Variants in MYCT1 observed in about 807,000 individuals in gnomAD.
The protein encoded by MYCT1 is myc target protein 1.
In MYCT1, 12 loss-of-function variants were observed where a neutral mutation model predicts 15.0. The ratio of observed to expected loss-of-function variants is 0.80; its 90% CI spans 0.51 to 1.29. MYCT1 has a LOEUF of 1.29. MYCT1 is among the 50% of genes most tolerant of loss of function. The probability of loss-of-function intolerance (pLI) is 0.00; values close to 1 mark genes in which losing one functional copy is unlikely to be tolerated. For missense variants in MYCT1, 287 were observed against 279.1 expected (o/e 1.03, Z -0.20); for synonymous variants, 104 against 102.7 (o/e 1.01, Z -0.07).
intron 1 of MYCT1, among the ~76,000 whole-genome samples, chr6:152,713,964 A>G (rs2099723179): frequency 6.6e-6 from 1 of 152,102 alleles, no homozygotes; most frequent in Admixed American, 6.6e-5. Flanking sequence ...CAGTAGCTAC[A>G]AGCATTTGGT....
At chr6:152,707,874 C>T (rs1257684497) in intron 1 of MYCT1, among the ~76,000 whole-genome samples, 1 of 151,912 alleles carries the variant, frequency 6.6e-6, no homozygotes, top group Non-Finnish European at 1.5e-5. Flanking sequence ...ATGTAAATGC[C>T]AGTACCTTGC....
chr6:152,738,945 A>G, the MYCT1 span, among the ~76,000 whole-genome samples: 5 of 152,072 alleles, frequency 3.3e-5, no homozygotes, highest in Admixed American at 6.6e-5. Flanking sequence ...TTTTAGAAAC[A>G]AAGGTATTTC....
intron 1 of MYCT1, among the ~76,000 whole-genome samples, chr6:152,707,854 CTAAATGTCTATG>C (rs2099722571): frequency 1.3e-5 from 2 of 151,978 alleles, no homozygotes; most frequent in Admixed American, 6.6e-5. Flanking sequence ...TTTCATTAAT[CTAAATGTCTATG>C]TAAATGCCAG....
the MYCT1 span, among the ~76,000 whole-genome samples, chr6:152,739,407 AT>A: frequency 6.6e-6 from 1 of 151,788 alleles, no homozygotes; most frequent in Non-Finnish European, 1.5e-5. Context: ...AGATAGAATC[AT>A]TGGTTTAAAT....
At chr6:152,702,858 T>A (rs1209634380) in intron 1 of MYCT1, among the ~76,000 whole-genome samples, 2 of 152,228 alleles carry the variant, frequency 1.3e-5, no homozygotes, top group African/African-American at 2.4e-5. Flanking sequence ...TTACAAATGC[T>A]TGTCTTCAAA....
Position 152,723,317 on chromosome 6 carries a change from A to T in MYCT1, c.*1064A>T, listed in dbSNP as rs2099725052. 6.6e-6 allele frequency: 1 copy of T among 152,218 alleles called. No individual in the cohort carries two copies. The highest frequency in any genetic ancestry group is 2.4e-5 in the African/African-American group (1 of 41,454). 9.4% of individuals were successfully genotyped at this position (152,218 alleles called of 1,614,324 possible). ...TACATTGTTAGAAAAGCAACAGGAA[A>T]AAATCCAATTCATTTGACCTAAAAA... is the stretch of plus-strand genomic sequence containing the variant. On this transcript the variant is annotated 3_prime_UTR_variant, in exon 2 of 2. Coordinates refer to ENST00000367245, the MANE Select transcript of MYCT1 (RefSeq NM_025107.3).
chr6:152,742,821 A>G, the MYCT1 span, among the ~76,000 whole-genome samples: 27 of 152,112 alleles, frequency 1.8e-4, no homozygotes, highest in African/African-American at 5.6e-4. Context: ...GTTTATACAC[A>G]TAAGTATGAT....
intron 1 of MYCT1, chr6:152,706,140 G>C: frequency 7.0e-7 from 1 of 1,424,732 alleles, no homozygotes; most frequent in South Asian, 1.1e-5. Flanking sequence ...TCCTAGAATA[G>C]TGCTTTACCT....
chr6:152,728,013 A>G (rs1215719871), downstream of MYCT1, among the ~76,000 whole-genome samples: 1 of 151,982 alleles, frequency 6.6e-6, no homozygotes, highest in African/African-American at 2.4e-5. Flanking sequence ...AAAATACAAA[A>G]ATTAGCCAGG....
chr6:152,740,245 T>C, the MYCT1 span, among the ~76,000 whole-genome samples: 8 of 152,176 alleles, frequency 5.3e-5, no homozygotes, highest in South Asian at 1.5e-3. Flanking sequence ...AGACGGGGTT[T>C]CTCCATGTTG....
chr6:152,744,396 G>T, the MYCT1 span, among the ~76,000 whole-genome samples: 3 of 152,008 alleles, frequency 2.0e-5, no homozygotes, highest in African/African-American at 7.3e-5. Flanking sequence ...TAAATATTGG[G>T]TGTGGGAATG....
chr6:152,699,408 T>A (rs1267085052), intron 1 of MYCT1, among the ~76,000 whole-genome samples: 1 of 152,200 alleles, frequency 6.6e-6, no homozygotes, highest in Non-Finnish European at 1.5e-5. Context: ...AATAAATTTA[T>A]GTAACAGAAT....
chr6:152,725,752 G>A (rs753802235), downstream of MYCT1, among the ~76,000 whole-genome samples: 4 of 152,200 alleles, frequency 2.6e-5, no homozygotes, highest in Non-Finnish European at 5.9e-5. Context: ...AGACCACGAA[G>A]TCTCCTAGCA....
the MYCT1 span, among the ~76,000 whole-genome samples, chr6:152,732,040 G>A: frequency 6.6e-6 from 1 of 152,190 alleles, no homozygotes; most frequent in African/African-American, 2.4e-5. Flanking sequence ...AGGCTTATTT[G>A]TGGATAAGAA....
At chr6:152,740,981 T>A in the MYCT1 span, among the ~76,000 whole-genome samples, 4 of 152,146 alleles carry the variant, frequency 2.6e-5, no homozygotes, top group African/African-American at 9.7e-5. Context: ...CTGTGATAAA[T>A]GTATACGAGC....
the MYCT1 span, among the ~76,000 whole-genome samples, chr6:152,733,798 A>G: frequency 3.9e-5 from 6 of 152,200 alleles, no homozygotes; most frequent in African/African-American, 1.4e-4. Flanking sequence ...TGTTCTTAAC[A>G]AGATTCAGTT....
chr6:152,741,814 A>G, the MYCT1 span, among the ~76,000 whole-genome samples: 2 of 152,212 alleles, frequency 1.3e-5, no homozygotes, highest in Non-Finnish European at 2.9e-5. Flanking sequence ...ACTATCATCG[A>G]ATGAAACTTA....
intron 1 of MYCT1, among the ~76,000 whole-genome samples, chr6:152,721,148 G>A (rs1049014298): frequency 2.0e-5 from 3 of 152,134 alleles, no homozygotes; most frequent in African/African-American, 7.2e-5. Context: ...AAGAGTCAGA[G>A]ATATAGGTGA....
chr6:152,705,347 A>C (rs1034963787), intron 1 of MYCT1, among the ~76,000 whole-genome samples: 6 of 152,170 alleles, frequency 3.9e-5, no homozygotes, highest in African/African-American at 1.2e-4. Context: ...GTGAAAAGCG[A>C]AATGGTCATA....
Sources: gnomAD v4.1 joint callset for allele counts (sites outside exome capture counted in the v4.1 genomes callset) on GRCh38, gnomAD v4.1.1 for gene constraint, MANE v1.5 for transcripts, NCBI Gene and HGNC (gene_info 2026-07-23, HGNC 2026-07-21) for gene names.